The following RNF38 variants were observed in gnomAD, a reference collection of about 807,000 sequenced individuals.
RNF38 encodes ring finger protein 38, also known as E3 ubiquitin-protein ligase RNF38.
A neutral mutation model predicts 67.2 loss-of-function variants in RNF38; 15 were observed. The observed-to-expected ratio is 0.22, with a 90% CI of 0.15 to 0.34. RNF38 has a LOEUF of 0.34. Among genes scored for constraint, RNF38 ranks in the 10% least tolerant of loss-of-function variants. The pLI, the probability that RNF38 is intolerant of heterozygous loss-of-function variation, is 1.00. For synonymous variants in RNF38, 220 were observed against 218.8 expected (o/e 1.01, Z -0.05); for missense variants, 524 against 639.9 (o/e 0.82, Z 1.95).
chr9:36,445,377 T>C (rs1222474117), intron 1 of RNF38, among the ~76,000 whole-genome samples: 1 of 152,232 alleles, frequency 6.6e-6, no homozygotes, highest in Non-Finnish European at 1.5e-5. Flanking sequence ...TATGATTTCA[T>C]GTTTTTCTTT....
chr9:36,430,372 A>G (rs1242295486), intron 1 of RNF38, among the ~76,000 whole-genome samples: 1 of 152,050 alleles, frequency 6.6e-6, no homozygotes, highest in African/African-American at 2.4e-5. Context: ...ACGCCTGGCT[A>G]ATTTTTTGTA....
intron 5 of RNF38, among the ~76,000 whole-genome samples, chr9:36,356,823 G>A (rs889027890): frequency 1.3e-5 from 2 of 151,968 alleles, no homozygotes; most frequent in Non-Finnish European, 1.5e-5. Context: ...AAACACTACC[G>A]GTATTTCAAG....
chr9:36,372,740 C>A (rs12001805), intron 3 of RNF38: 262,434 of 455,148 alleles, frequency 0.58, 78,430 homozygotes, highest in Non-Finnish European at 0.64. Context: ...TTTCAAAGAA[C>A]TCAAAGCTAA....
chr9:36,397,920 A>G (rs1233767790), intron 1 of RNF38, among the ~76,000 whole-genome samples: 3 of 152,188 alleles, frequency 2.0e-5, no homozygotes, highest in Non-Finnish European at 2.9e-5. Context: ...TCTAGACCAC[A>G]AAAGTCCAAA....
chr9:36,469,004 C>T (rs1162209376), intron 1 of RNF38, among the ~76,000 whole-genome samples: 1 of 152,066 alleles, frequency 6.6e-6, no homozygotes, highest in Non-Finnish European at 1.5e-5. Context: ...CCCAGCTACT[C>T]AGGAGGCTGA....
At chr9:36,422,029 C>T (rs1214312797) in intron 2 of RNF38, among the ~76,000 whole-genome samples, 1 of 151,956 alleles carries the variant, frequency 6.6e-6, no homozygotes, top group Non-Finnish European at 1.5e-5. Context: ...GCCAGGAGTT[C>T]GAGACTAGCC....
intron 1 of RNF38, among the ~76,000 whole-genome samples, chr9:36,434,858 T>A (rs942633742): frequency 1.3e-5 from 2 of 152,182 alleles, no homozygotes; most frequent in Non-Finnish European, 2.9e-5. Flanking sequence ...ATACATTATA[T>A]CCCAAGTGGA....
At chr9:36,348,193 A>C (rs1416750353) in intron 9 of RNF38, among the ~76,000 whole-genome samples, 1 of 152,052 alleles carries the variant, frequency 6.6e-6, no homozygotes, top group African/African-American at 2.4e-5. Flanking sequence ...CTAAAGGCAA[A>C]GGCAAAGTTC....
chr9:36,348,584 A>G (rs1019391601), intron 9 of RNF38, among the ~76,000 whole-genome samples: 1 of 152,366 alleles, frequency 6.6e-6, no homozygotes, highest in African/African-American at 2.4e-5. Context: ...TGAGTGATAC[A>G]GATAGAAAAT....
At chr9:36,443,059 C>A (rs10972905) in intron 1 of RNF38, among the ~76,000 whole-genome samples, 4,484 of 152,294 alleles carry the variant, frequency 0.029, 86 homozygotes, top group South Asian at 0.07. Flanking sequence ...GGTGTCCATC[C>A]CCCAATTACG....
chr9:36,468,790 C>T (rs558853026), intron 1 of RNF38, among the ~76,000 whole-genome samples: 50 of 151,844 alleles, frequency 3.3e-4, no homozygotes, highest in Non-Finnish European at 6.3e-4. Flanking sequence ...CCAGCCTGAG[C>T]AACAAGAGCA....
At chr9:36,379,381 A>G (rs965344639) in intron 2 of RNF38, among the ~76,000 whole-genome samples, 1 of 152,256 alleles carries the variant, frequency 6.6e-6, no homozygotes, top group African/African-American at 2.4e-5. Context: ...AGTAACCTAC[A>G]AAGAAATAAG....
At chr9:36,416,796 A>C (rs1838486298) in intron 2 of RNF38, among the ~76,000 whole-genome samples, 1 of 115,192 alleles carries the variant, frequency 8.7e-6, no homozygotes, top group African/African-American at 3.4e-5. Flanking sequence ...TCTGTGGCCC[A>C]GGCTGGAGTG....
At chr9:36,469,564 G>A (rs1839948727) in intron 1 of RNF38, among the ~76,000 whole-genome samples, 1 of 152,164 alleles carries the variant, frequency 6.6e-6, no homozygotes, top group African/African-American at 2.4e-5. Context: ...GGGAGGCTGA[G>A]GCAGGAGAAT....
At chr9:36,481,028 T>A (rs1053601768) in intron 1 of RNF38, among the ~76,000 whole-genome samples, 35 of 150,360 alleles carry the variant, frequency 2.3e-4, no homozygotes, top group Non-Finnish European at 4.4e-4. Flanking sequence ...TTTTTTTTTT[T>A]TTTTGAGACA....
At chr9:36,393,477 TTGTGTG>T (rs58913703) in intron 1 of RNF38, among the ~76,000 whole-genome samples, 1,332 of 87,780 alleles carry the variant, frequency 0.015, 16 homozygotes, top group Non-Finnish European at 0.02. Flanking sequence ...CACACACACA[TTGTGTG>T]TGTGTGTGTG....
chr9:36,392,787 A>G (rs913375569), intron 1 of RNF38, among the ~76,000 whole-genome samples: 4 of 152,134 alleles, frequency 2.6e-5, no homozygotes, highest in East Asian at 1.9e-4. Context: ...TGTTAATCTA[A>G]TAAGATATAA....
At chr9:36,342,195 G>A in intron 11 of RNF38, 130 bp downstream of exon 11, 2 of 679,952 alleles carry the variant, frequency 2.9e-6, no homozygotes, top group Non-Finnish European at 5.2e-6. Flanking sequence ...CTCATTTGCA[G>A]AGATCATACT....
chr9:36,346,865 C>G (rs1483711337), intron 9 of RNF38, among the ~76,000 whole-genome samples: 1 of 152,052 alleles, frequency 6.6e-6, no homozygotes, highest in Non-Finnish European at 1.5e-5. Context: ...AGCCTGTAAT[C>G]CCAGCACTTT....
Sources: allele counts gnomAD v4.1 joint callset (sites outside exome capture counted in the v4.1 genomes callset), GRCh38; gene constraint gnomAD v4.1.1; transcripts MANE v1.5; gene names NCBI Gene and HGNC (gene_info 2026-07-23, HGNC 2026-07-21).